The following RABGAP1L variants were observed in gnomAD, a reference collection of about 807,000 sequenced individuals.
RABGAP1L encodes the protein rab GTPase-activating protein 1-like.
Under a neutral mutation model 137.7 loss-of-function variants are expected in RABGAP1L, and 63 were observed. The ratio of observed to expected loss-of-function variants is 0.46; its 90% CI spans 0.37 to 0.56. The LOEUF is 0.56. Among genes scored for constraint, RABGAP1L ranks in the 20% least tolerant of loss-of-function variants. The pLI is 0.00. For missense variants in RABGAP1L, 1,095 were observed against 1,244.0 expected (o/e 0.88, Z 1.80); for synonymous variants, 431 against 433.7 (o/e 0.99, Z 0.08).
At chr1:174,864,474 G>A (rs902416506) in intron 19 of RABGAP1L, among the ~76,000 whole-genome samples, 1 of 152,200 alleles carries the variant, frequency 6.6e-6, no homozygotes, top group Non-Finnish European at 1.5e-5. Flanking sequence ...TACAGTTACT[G>A]CAGAAGGGGA....
intron 1 of RABGAP1L, among the ~76,000 whole-genome samples, chr1:174,203,621 A>G (rs1341803282): frequency 6.6e-6 from 1 of 152,162 alleles, no homozygotes; most frequent in Non-Finnish European, 1.5e-5. Flanking sequence ...GAATTTTAAA[A>G]TAGTTTTTCC....
At chr1:174,302,549 C>T (rs1677815169) in intron 10 of RABGAP1L, among the ~76,000 whole-genome samples, 1 of 152,204 alleles carries the variant, frequency 6.6e-6, no homozygotes, top group South Asian at 2.1e-4. Context: ...CTGTTTTCCA[C>T]ATGCCAACTT....
intron 19 of RABGAP1L, among the ~76,000 whole-genome samples, chr1:174,891,109 G>T (rs899014980): frequency 6.6e-6 from 1 of 152,142 alleles, no homozygotes; most frequent in African/African-American, 2.4e-5. Flanking sequence ...GTGTATATCT[G>T]TGCCTATTTA....
intron 3 of RABGAP1L, among the ~76,000 whole-genome samples, chr1:174,230,207 T>C (rs1462691994): frequency 7.9e-6 from 1 of 126,122 alleles, no homozygotes; most frequent in Non-Finnish European, 1.6e-5. Flanking sequence ...TGAGAACACA[T>C]GGACACAGGA....
intron 15 of RABGAP1L, among the ~76,000 whole-genome samples, chr1:174,697,469 C>T (rs1225054677): frequency 6.6e-6 from 1 of 152,128 alleles, no homozygotes; most frequent in African/African-American, 2.4e-5. Context: ...TACATGTACA[C>T]ACCAACATGC....
chr1:174,358,147 G>A (rs1683800455), intron 11 of RABGAP1L, among the ~76,000 whole-genome samples: 1 of 151,734 alleles, frequency 6.6e-6, no homozygotes, highest in African/African-American at 2.4e-5. Flanking sequence ...GAGGAAAAGA[G>A]ACTTTTTTTT....
At chr1:174,646,727 GT>G in intron 14 of RABGAP1L, among the ~76,000 whole-genome samples, 1 of 152,130 alleles carries the variant, frequency 6.6e-6, no homozygotes, top group Non-Finnish European at 1.5e-5. Context: ...ATTTAAAGTA[GT>G]TTTTTCTAAT....
At chr1:174,648,324 T>A (rs1303255401) in intron 14 of RABGAP1L, among the ~76,000 whole-genome samples, 1 of 152,152 alleles carries the variant, frequency 6.6e-6, no homozygotes, top group Non-Finnish European at 1.5e-5. Context: ...TCTTTCTCAT[T>A]TTCTGATGTG....
intron 18 of RABGAP1L, among the ~76,000 whole-genome samples, chr1:174,757,822 G>A (rs111301443): frequency 5.9e-5 from 9 of 151,816 alleles, no homozygotes; most frequent in African/African-American, 1.7e-4. Flanking sequence ...TCAAGGGTTC[G>A]AGACCAGCCT....
At chr1:174,347,635 G>A (rs915278913) in intron 11 of RABGAP1L, among the ~76,000 whole-genome samples, 1 of 152,064 alleles carries the variant, frequency 6.6e-6, no homozygotes, top group Non-Finnish European at 1.5e-5. Context: ...TGGGACTACA[G>A]GCACCCGCCT....
In RABGAP1L at chr1:174,540,009, A is replaced by G. The variant is rs973244884; in HGVS notation, c.1711-97366A>G. On this transcript the variant is annotated intron_variant, in intron 13 of 25. Transcript: ENST00000681986. ...TCTAACTGGTATGAAATGGTATCTC[A>G]TTGTGGTTTTGATTTGCATTTCTCT... 7.2e-5 allele frequency among the ~76,000 whole-genome samples: 11 copies of G among 152,242 alleles called. No homozygotes were observed. The East Asian group carries it at 2.1e-3, about 29-fold the overall frequency.
chr1:174,494,727 C>T (rs536584342), intron 13 of RABGAP1L, among the ~76,000 whole-genome samples: 34 of 152,218 alleles, frequency 2.2e-4, no homozygotes, highest in African/African-American at 4.1e-4. Context: ...ATATTTGCTC[C>T]GACTCTACCT....
At chr1:174,857,348 C>T (rs75211327) in intron 19 of RABGAP1L, among the ~76,000 whole-genome samples, 14,185 of 152,226 alleles carry the variant, frequency 0.093, 882 homozygotes, top group East Asian at 0.22. Flanking sequence ...CTGCTTCCTT[C>T]TGTTGCTACC....
At chr1:174,503,751 C>T (rs773879148) in intron 13 of RABGAP1L, among the ~76,000 whole-genome samples, 2 of 145,556 alleles carry the variant, frequency 1.4e-5, no homozygotes, top group African/African-American at 2.5e-5. Flanking sequence ...ATGAAGAAAA[C>T]AATTCCATTT....
chr1:174,555,498 C>G (rs1008945808), intron 13 of RABGAP1L, among the ~76,000 whole-genome samples: 1 of 151,882 alleles, frequency 6.6e-6, no homozygotes, highest in Non-Finnish European at 1.5e-5. Context: ...AAACATTTGT[C>G]GAGCATTTAT....
intron 13 of RABGAP1L, among the ~76,000 whole-genome samples, chr1:174,497,954 T>A (rs1290363786): frequency 6.6e-6 from 1 of 152,198 alleles, no homozygotes; most frequent in Admixed American, 6.5e-5. Flanking sequence ...ATCTCAGAGT[T>A]CTTATCTATA....
intron 10 of RABGAP1L, among the ~76,000 whole-genome samples, chr1:174,282,431 A>G (rs1675657159): frequency 6.6e-6 from 1 of 152,114 alleles, no homozygotes; most frequent in Admixed American, 6.5e-5. Flanking sequence ...TCATTCATAT[A>G]TCTTCTTTAT....
intron 14 of RABGAP1L, among the ~76,000 whole-genome samples, chr1:174,645,886 T>TA (rs1674929824): frequency 1.3e-5 from 2 of 152,186 alleles, no homozygotes; most frequent in African/African-American, 4.8e-5. Context: ...CCTGACTTTT[T>TA]AATGATCGCC....
intron 17 of RABGAP1L, among the ~76,000 whole-genome samples, chr1:174,722,300 T>C (rs1681612838): frequency 6.6e-6 from 1 of 152,142 alleles, no homozygotes; most frequent in African/African-American, 2.4e-5. Context: ...ACGATAAAAA[T>C]AGATGATGAA....
Sources: gnomAD v4.1 joint callset for allele counts (sites outside exome capture counted in the v4.1 genomes callset) on GRCh38, gnomAD v4.1.1 for gene constraint, MANE v1.5 for transcripts, NCBI Gene and HGNC (gene_info 2026-07-23, HGNC 2026-07-21) for gene names.